DNAI3: variants seen among roughly 807,000 people sequenced by gnomAD.
The protein encoded by DNAI3 is dynein axonemal intermediate chain 3, also known as WD repeat domain 63.
Under a neutral mutation model 115.5 loss-of-function variants are expected in DNAI3, and 83 were observed. That is an observed-to-expected ratio of 0.72 (90% CI 0.60 to 0.86). The LOEUF (loss-of-function observed/expected upper bound fraction) is 0.86, where lower values mean the gene tolerates loss of function less well. Among genes scored for constraint, DNAI3 ranks in the 40% least tolerant of loss-of-function variants. The probability of loss-of-function intolerance (pLI) is 0.00; values close to 1 mark genes in which losing one functional copy is unlikely to be tolerated. For missense variants in DNAI3, 1,004 were observed against 1,075.8 expected (o/e 0.93, Z 0.93); for synonymous variants, 320 against 347.0 (o/e 0.92, Z 0.86).
At chr1:85,128,950 A>G (rs1256642862) in intron 21 of DNAI3, 151 bp downstream of exon 21, 1 of 687,030 alleles carries the variant, frequency 1.5e-6, no homozygotes, top group African/African-American at 1.9e-5. Context: ...CTGTTGTATG[A>G]GTTAAATAGT....
chr1:85,111,548 G>C (rs1205116268), intron 16 of DNAI3, among the ~76,000 whole-genome samples: 1 of 152,194 alleles, frequency 6.6e-6, no homozygotes, highest in Non-Finnish European at 1.5e-5. Context: ...AGATGCTAAT[G>C]ATCACAACAA....
chr1:85,122,542 T>G (rs922941415), intron 18 of DNAI3, among the ~76,000 whole-genome samples: 1 of 152,228 alleles, frequency 6.6e-6, no homozygotes, highest in African/African-American at 2.4e-5. Flanking sequence ...TTTTAATGCA[T>G]TTCACAGTTT....
In DNAI3 at chr1:85,096,029, C is replaced by T. The variant is rs1394977288; in HGVS notation, c.1263+9C>T. The T allele has an allele frequency of 1.9e-6, 3 of 1,612,826 alleles. No homozygotes were observed. Among genetic ancestry groups the T allele is most frequent in the Admixed American group, 3.3e-5 (2 of 59,968 alleles). ...GCTGTATCAATGGGCAGGTACTTAA[C>T]AGAATTTTTTTCAGCTATGTATTAA... On this transcript the variant is annotated intron_variant, in intron 11 of 22. Transcript: ENST00000294664.
intron 1 of DNAI3, among the ~76,000 whole-genome samples, chr1:85,071,692 C>T (rs1229468895): frequency 1.3e-5 from 2 of 152,092 alleles, no homozygotes; most frequent in Admixed American, 6.6e-5. Context: ...CAGGTCACCA[C>T]GGTGCGCTTC....
intron 3 of DNAI3, among the ~76,000 whole-genome samples, chr1:85,074,143 C>T (rs1007618936): frequency 6.6e-6 from 1 of 152,176 alleles, no homozygotes. Context: ...AAATATATCT[C>T]AAACCCATCT....
chr1:85,114,647 T>A lies in DNAI3; in HGVS notation c.1787-3082T>A, dbSNP rs1483271709. Among the ~76,000 whole-genome samples, 3 of 152,196 alleles carry A rather than the reference T, an allele frequency of 2.0e-5. No homozygotes were observed. The East Asian group carries it at 5.8e-4, about 29-fold the overall frequency. On this transcript the variant is annotated intron_variant, in intron 16 of 22. Transcript: ENST00000294664. ...TTGAGATCAACTATGGTATTTCAGA[T>A]TTCCTTTGGTCACACTGCCGACTAT...
intron 13 of DNAI3, among the ~76,000 whole-genome samples, chr1:85,100,917 G>A (rs2100589038): frequency 6.9e-6 from 1 of 145,180 alleles, no homozygotes; most frequent in South Asian, 2.2e-4. Flanking sequence ...GGTGGGAATT[G>A]AACAATGAGA....
intron 13 of DNAI3, among the ~76,000 whole-genome samples, chr1:85,103,384 G>T (rs567620765): frequency 2.0e-5 from 3 of 151,944 alleles, no homozygotes; most frequent in East Asian, 3.9e-4. Flanking sequence ...ATTACAAAAA[G>T]GTCAGGTCTT....
At chr1:85,065,621 A>G (rs1402444818) in intron 1 of DNAI3, among the ~76,000 whole-genome samples, 1 of 152,098 alleles carries the variant, frequency 6.6e-6, no homozygotes, top group Non-Finnish European at 1.5e-5. Flanking sequence ...GTGATTCTGT[A>G]TAGTCTTTTG....
rs186912550 is a variant in DNAI3, at chr1:85,116,219, G to A, written c.1787-1510G>A. Among the ~76,000 whole-genome samples the A allele has an allele frequency of 2.2e-3, 340 of 152,146 alleles. 2 individuals are homozygous for A. The highest frequency in any genetic ancestry group is 4.1e-3 in the Non-Finnish European group (281 of 68,022). ...TCCATCTGACTCTTGCTGTCTCCTG[G>A]GTTTAAACCCAATCTACCCTATCCA... On this transcript the variant is annotated intron_variant, in intron 16 of 22. Coordinates refer to ENST00000294664, the MANE Select transcript of DNAI3 (RefSeq NM_145172.5).
intron 1 of DNAI3, among the ~76,000 whole-genome samples, chr1:85,070,274 T>A (rs557832545): frequency 7.9e-5 from 12 of 151,980 alleles, no homozygotes; most frequent in African/African-American, 2.9e-4. Context: ...AAAAATAAAA[T>A]AAAATAAAAA....
intron 19 of DNAI3, among the ~76,000 whole-genome samples, chr1:85,125,874 A>G (rs1656120295): frequency 6.6e-6 from 1 of 152,222 alleles, no homozygotes; most frequent in African/African-American, 2.4e-5. Context: ...TTCTATTCTT[A>G]CTTTTGAAAA....
intron 3 of DNAI3, among the ~76,000 whole-genome samples, chr1:85,074,266 T>C (rs1654380546): frequency 6.6e-6 from 1 of 152,188 alleles, no homozygotes; most frequent in African/African-American, 2.4e-5. Flanking sequence ...CCTCCTTCTG[T>C]CCATTTGGCG....
At position 85,069,988 on chromosome 1, in the gene DNAI3, C is replaced by T. The variant is rs541033656; in HGVS notation, c.-14-1940C>T. Among the ~76,000 whole-genome samples, 15 of 152,128 alleles carry T rather than the reference C, an allele frequency of 9.9e-5. No homozygotes were observed. The South Asian group carries it at 1.2e-3, about 13-fold the overall frequency. On this transcript the variant is annotated intron_variant, in intron 1 of 22. Transcript: ENST00000294664. ...AATAAAATCCTGCTTTTTAGCTGGG[C>T]GCGGTGGCTCATGCCTGTAATCCCA... is the stretch of plus-strand genomic sequence containing the variant.
chr1:85,091,283 G>T (rs892143070), intron 8 of DNAI3, among the ~76,000 whole-genome samples: 1 of 152,070 alleles, frequency 6.6e-6, no homozygotes, highest in Non-Finnish European at 1.5e-5. Context: ...AGATCTTGAG[G>T]GAATAAAAAA....
chr1:85,078,472 G>T (rs985450600), intron 3 of DNAI3, among the ~76,000 whole-genome samples: 2 of 152,180 alleles, frequency 1.3e-5, no homozygotes, highest in African/African-American at 4.8e-5. Context: ...GGCCCTGAAG[G>T]CCTCCTCCTC....
chr1:85,088,038 A>C (rs1160321157), intron 7 of DNAI3, among the ~76,000 whole-genome samples: 1 of 152,168 alleles, frequency 6.6e-6, no homozygotes, highest in Non-Finnish European at 1.5e-5. Context: ...TTGGTGGTCA[A>C]GTCCTGGCAG....
rs371365942 is a variant in DNAI3 at position 85,108,143 on chromosome 1, T to C, written c.1664T>C (p.Leu555Ser). The C allele has an allele frequency of 1.2e-6, 2 of 1,605,104 alleles. No homozygotes were observed. The highest frequency in any genetic ancestry group is 1.7e-6 in the Non-Finnish European group (2 of 1,177,128). Residue 555 changes from leucine (L) to serine (S), a missense_variant, in exon 15 of 23, where the codon TTG (leucine) becomes TCG (serine). Physicochemically the swap from Leu to Ser is moderately radical, Grantham distance 145. Transcript: ENST00000294664. ...EIPFDVPSTFLHLDLSWKPLT... is the reference protein window; with the variant it reads ...EIPFDVPSTFSHLDLSWKPLT... ...CCTTTTGATGTACCATCTACTTTTT[T>C]GCATCTGGATCTCTCCTGGAAACCT... is the stretch of plus-strand genomic sequence containing the variant.
At chr1:85,082,471 G>A in intron 5 of DNAI3, 67 bp downstream of exon 5, 1 of 1,269,168 alleles carries the variant, frequency 7.9e-7, no homozygotes, top group South Asian at 1.2e-5. Context: ...TTTGAGATAG[G>A]CTCTTGCTCT....
Sources: allele counts gnomAD v4.1 joint callset (sites outside exome capture counted in the v4.1 genomes callset), GRCh38; gene constraint gnomAD v4.1.1; transcripts MANE v1.5; gene names NCBI Gene and HGNC (gene_info 2026-07-23, HGNC 2026-07-21).